Variants in PRICKLE2 observed in about 807,000 individuals in gnomAD.
PRICKLE2 encodes prickle planar cell polarity protein 2.
A neutral mutation model predicts 81.4 loss-of-function variants in PRICKLE2; 21 were observed. The ratio of observed to expected loss-of-function variants is 0.26; its 90% confidence interval spans 0.18 to 0.37. PRICKLE2 has a LOEUF of 0.37. Among genes scored for constraint, PRICKLE2 ranks in the 10% least tolerant of loss-of-function variants. The pLI is 1.00. For synonymous variants in PRICKLE2, 456 were observed against 421.5 expected (o/e 1.08, Z -1.00); for missense variants, 940 against 1,109.0 (o/e 0.85, Z 2.16).
chr3:64,159,964 G>A lies in PRICKLE2; in HGVS notation c.372C>T (p.Thr124=), dbSNP rs201949075. 26 of 1,613,960 alleles carry A rather than the reference G, an allele frequency of 1.6e-5. No homozygotes were observed. The highest frequency in any genetic ancestry group is 2.0e-5 in the Non-Finnish European group (24 of 1,180,028). ...CCTGTTCACAAATAGCTCCTGTCAT[G>A]GTGACTGGGAAAGGCCTGACATTCC... ...GRGNVRPFPV[T]MTGAICEQCG... Residue 124 remains threonine, a synonymous_variant, in exon 4 of 8, where the codon ACC becomes ACT. Coordinates refer to ENST00000638394, the MANE Select transcript of PRICKLE2 (RefSeq NM_198859.4).
chr3:64,263,341 G>A (rs925347346), intron 2 of PRICKLE2, among the ~76,000 whole-genome samples: 2 of 152,304 alleles, frequency 1.3e-5, no homozygotes, highest in East Asian at 3.9e-4. Flanking sequence ...AGCTCATGAG[G>A]TTAAGTGGTC....
chr3:64,171,280 AC>A (rs1456300705), intron 2 of PRICKLE2, among the ~76,000 whole-genome samples: 1 of 152,002 alleles, frequency 6.6e-6, no homozygotes, highest in Non-Finnish European at 1.5e-5. Flanking sequence ...GGGCAATAAT[AC>A]CCCCCAAGAG....
At chr3:64,204,376 A>G (rs1676390) in intron 1 of PRICKLE2, among the ~76,000 whole-genome samples, 18,331 of 152,122 alleles carry the variant, frequency 0.12, 1,393 homozygotes, top group East Asian at 0.39. Context: ...CCACGGAAGA[A>G]AACAAAGGCC....
At position 64,095,461 on chromosome 3, in the gene PRICKLE2, T is replaced by C. The variant is rs1219881539; in HGVS notation, c.*3590A>G. ...CAACTGGTCCTGGCTGGTTGGAGTG[T>C]TGCAAAGATCTGTGAGGCTGCATCC... On this transcript the variant is annotated 3_prime_UTR_variant, in exon 8 of 8. Coordinates refer to ENST00000638394, the MANE Select transcript of PRICKLE2 (RefSeq NM_198859.4). 1 of 152,220 alleles carries C rather than the reference T, an allele frequency of 6.6e-6. No individual in the cohort carries two copies. The highest frequency in any genetic ancestry group is 1.5e-5 in the Non-Finnish European group (1 of 68,060). 9.4% of individuals were successfully genotyped at this position (152,220 alleles called of 1,614,324 possible).
chr3:64,261,333 T>C (rs2079612556), intron 2 of PRICKLE2, among the ~76,000 whole-genome samples: 1 of 152,132 alleles, frequency 6.6e-6, no homozygotes. Context: ...GGCCCAGGTA[T>C]CAGTTAATCA....
chr3:64,134,109 C>T (rs913218322), intron 7 of PRICKLE2, among the ~76,000 whole-genome samples: 1 of 152,226 alleles, frequency 6.6e-6, no homozygotes, highest in African/African-American at 2.4e-5. Flanking sequence ...TGTTACCCCA[C>T]ACCACCCAGC....
chr3:64,196,955 G>T (rs1042326339), intron 2 of PRICKLE2, among the ~76,000 whole-genome samples: 2 of 152,128 alleles, frequency 1.3e-5, no homozygotes, highest in Non-Finnish European at 2.9e-5. Context: ...AGTATTAGTA[G>T]CTAATTAAAT....
chr3:64,217,675 A>G (rs183635209), intron 1 of PRICKLE2, among the ~76,000 whole-genome samples: 4 of 152,284 alleles, frequency 2.6e-5, no homozygotes, highest in African/African-American at 9.6e-5. Flanking sequence ...ACTGTAACTC[A>G]TGGGTACAGG....
At chr3:64,219,891 C>A (rs2078925469) in intron 1 of PRICKLE2, among the ~76,000 whole-genome samples, 1 of 152,148 alleles carries the variant, frequency 6.6e-6, no homozygotes, top group Non-Finnish European at 1.5e-5. Flanking sequence ...GTCCTGATTT[C>A]TCAATTACTA....
At chr3:64,162,893 A>G in intron 3 of PRICKLE2, 123 bp downstream of exon 3, 1 of 794,354 alleles carries the variant, frequency 1.3e-6, no homozygotes, top group Non-Finnish European at 2.3e-6. Flanking sequence ...TAAGGAAGCT[A>G]AAACCTAAAA....
intron 7 of PRICKLE2, among the ~76,000 whole-genome samples, chr3:64,127,599 T>C (rs2077129317): frequency 6.6e-6 from 1 of 152,096 alleles, no homozygotes; most frequent in Non-Finnish European, 1.5e-5. Flanking sequence ...CAAATCCTGA[T>C]TAGCCTGACT....
intron 1 of PRICKLE2, among the ~76,000 whole-genome samples, chr3:64,222,418 CTG>C (rs2078969579): frequency 6.6e-6 from 1 of 152,198 alleles, no homozygotes; most frequent in Non-Finnish European, 1.5e-5. Context: ...TTTCAGATCC[CTG>C]TGTCAGAGTT....
chr3:64,154,623 G>C (rs1489097797), intron 5 of PRICKLE2: 1 of 152,078 alleles, frequency 6.6e-6, no homozygotes, highest in African/African-American at 2.4e-5. Flanking sequence ...AGAAAACACA[G>C]GTGTAAATCT....
At chr3:64,161,492 T>G (rs1251760643) in intron 3 of PRICKLE2, among the ~76,000 whole-genome samples, 1 of 152,024 alleles carries the variant, frequency 6.6e-6, no homozygotes, top group African/African-American at 2.4e-5. Flanking sequence ...AAAAAGAAAA[T>G]GGTCAAATAT....
At chr3:64,264,975 T>G (rs537461927) in intron 2 of PRICKLE2, among the ~76,000 whole-genome samples, 1 of 152,258 alleles carries the variant, frequency 6.6e-6, no homozygotes, top group South Asian at 2.1e-4. Context: ...GGGAGATCAT[T>G]CATGAGTTTT....
intron 7 of PRICKLE2, among the ~76,000 whole-genome samples, chr3:64,127,141 G>T (rs924650600): frequency 1.3e-5 from 2 of 152,150 alleles, no homozygotes; most frequent in Non-Finnish European, 2.9e-5. Flanking sequence ...ATGTCAAATG[G>T]TGCTGAGTGT....
chr3:64,139,802 C>T (rs1217362294), intron 7 of PRICKLE2, among the ~76,000 whole-genome samples: 1 of 152,204 alleles, frequency 6.6e-6, no homozygotes, highest in Non-Finnish European at 1.5e-5. Context: ...TACATTCCTA[C>T]CACAGGGCCT....
chr3:64,247,315 TCA>T (rs1396913409), intron 2 of PRICKLE2, among the ~76,000 whole-genome samples: 1 of 152,180 alleles, frequency 6.6e-6, no homozygotes, highest in African/African-American at 2.4e-5. Context: ...AGAAAAGATA[TCA>T]GTGAGTTTTT....
chr3:64,153,454 A>G, intron 5 of PRICKLE2, 86 bp from the exon 6 acceptor site: 1 of 1,282,488 alleles, frequency 7.8e-7, no homozygotes, highest in Non-Finnish European at 1.1e-6. Context: ...TCCTTGAACT[A>G]GAAGGGTAAG....
Sources: allele counts gnomAD v4.1 joint callset (sites outside exome capture counted in the v4.1 genomes callset), GRCh38; gene constraint gnomAD v4.1.1; transcripts MANE v1.5; gene names NCBI Gene and HGNC (gene_info 2026-07-23, HGNC 2026-07-21).